Variants in ABHD12 observed in about 807,000 individuals in gnomAD.
ABHD12 encodes lysophosphatidylserine lipase ABHD12.
ABHD12 carries 43 observed loss-of-function variants against 58.3 expected under a neutral mutation model. That is an observed-to-expected ratio of 0.74 (90% CI 0.58 to 0.95). The LOEUF (loss-of-function observed/expected upper bound fraction) is 0.95. ABHD12 is among the 40% of genes least tolerant of loss of function. ABHD12 has a pLI of 0.00. For synonymous variants in ABHD12, 219 were observed against 211.2 expected, an observed-to-expected ratio of 1.04 and a Z score of -0.32; for missense variants, 539 against 537.2, an observed-to-expected ratio of 1.00 and a Z score of -0.03.
At chr20:25,342,103 C>CAAAAAAAAAAAAAAAAAAAAAAAAAAAA (rs11476197) in intron 1 of ABHD12, among the ~76,000 whole-genome samples, 1 of 69,804 alleles carries the variant, frequency 1.4e-5, no homozygotes, top group Non-Finnish European at 2.9e-5. Context: ...AACTCTGTCT[C>CAAAAAAAAAAAAAAAAAAAAAAAAAAAA]AAAAAAAAAA....
chr20:25,359,291 G>A (rs1171891169), intron 1 of ABHD12, among the ~76,000 whole-genome samples: 2 of 150,344 alleles, frequency 1.3e-5, no homozygotes, highest in Admixed American at 6.6e-5. Flanking sequence ...GGGCGTGATG[G>A]CGGGCGCCTG....
intron 1 of ABHD12, chr20:25,368,340 G>T: frequency 6.5e-7 from 1 of 1,545,530 alleles, no homozygotes. Context: ...GAACCACAGC[G>T]CTCCATGGCC....
At position 25,308,778 on chromosome 20, in the gene ABHD12, C is replaced by CT. The variant is rs139283672; in HGVS notation, c.750-285dup. Among the ~76,000 whole-genome samples the CT allele has an allele frequency of 0.011, 1,700 of 152,342 alleles. 32 individuals are homozygous for CT. The highest frequency in any genetic ancestry group is 0.036 in the African/African-American group (1,506 of 41,580). On this transcript the variant is annotated intron_variant, in intron 7 of 12. Transcript: ENST00000339157. Reference sequence around the variant, plus strand: ...CGTACACTCCCATTGGCCGGGCCGCCTGTCGGCTGGGGGTGGCCAGCGTCT... The same window carrying CT: ...CGTACACTCCCATTGGCCGGGCCGCCTTGTCGGCTGGGGGTGGCCAGCGTCT...
intron 11 of ABHD12, among the ~76,000 whole-genome samples, chr20:25,302,968 T>TA (rs2088664968): frequency 6.6e-6 from 1 of 152,172 alleles, no homozygotes; most frequent in African/African-American, 2.4e-5. Flanking sequence ...TGCCTTCTCT[T>TA]ACCCTACTCT....
rs1467614481 is a variant in ABHD12, at chr20:25,300,341, G to C, written c.*504C>G. 3.8e-6 allele frequency: 4 copies of C among 1,053,690 alleles called. No homozygotes were observed. Among genetic ancestry groups the C allele is most frequent in the Non-Finnish European group, 4.6e-6 (4 of 870,706 alleles). The allele number at this position is 1,053,690 out of a possible 1,614,324, so 65.3% of individuals were successfully genotyped here. ...CTGTGGGTGAGTGGGCCAGCCCAGGGGAGGTGGGGCAGCTGAGAAAGGCAA... is the reference window on the plus strand; with the variant it reads ...CTGTGGGTGAGTGGGCCAGCCCAGGCGAGGTGGGGCAGCTGAGAAAGGCAA... On this transcript the variant is annotated 3_prime_UTR_variant, in exon 13 of 13. Transcript: ENST00000339157.
chr20:25,376,054 G>A (rs1481155192), intron 1 of ABHD12, among the ~76,000 whole-genome samples: 12 of 152,082 alleles, frequency 7.9e-5, no homozygotes, highest in Admixed American at 6.6e-4. Flanking sequence ...GCTGGGAGGC[G>A]GAGATTGTAG....
intron 1 of ABHD12, among the ~76,000 whole-genome samples, chr20:25,354,400 C>T (rs1398584130): frequency 6.6e-6 from 1 of 152,166 alleles, no homozygotes; most frequent in African/African-American, 2.4e-5. Flanking sequence ...CCCCACTGAC[C>T]CCAGCTCTGG....
At chr20:25,312,287 T>TC (rs1354801976) in intron 6 of ABHD12, among the ~76,000 whole-genome samples, 1 of 152,148 alleles carries the variant, frequency 6.6e-6, no homozygotes. Context: ...TGCCTGATTC[T>TC]CCTGCCTCAG....
At chr20:25,355,938 T>C (rs2089662346) in intron 1 of ABHD12, among the ~76,000 whole-genome samples, 1 of 152,238 alleles carries the variant, frequency 6.6e-6, no homozygotes, top group Admixed American at 6.5e-5. Context: ...GGAGGCTGAC[T>C]TCCTTTTGCA....
At chr20:25,339,668 C>A (rs150249616) in intron 1 of ABHD12, 13 of 1,387,094 alleles carry the variant, frequency 9.4e-6, no homozygotes, top group African/African-American at 7.3e-5. Context: ...CCATGCCCCC[C>A]ACCTGACATC....
At chr20:25,376,802 G>C (rs988389651) in intron 1 of ABHD12, among the ~76,000 whole-genome samples, 10 of 152,092 alleles carry the variant, frequency 6.6e-5, no homozygotes, top group Non-Finnish European at 1.5e-4. Flanking sequence ...AGACATACTT[G>C]CTAAATGGAT....
intron 8 of ABHD12, 143 bp downstream of exon 8, chr20:25,308,314 G>C (rs951514964): frequency 2.9e-6 from 3 of 1,041,212 alleles, no homozygotes; most frequent in Non-Finnish European, 4.3e-6. Context: ...TGTATCATGG[G>C]AAGGGTGGCT....
chr20:25,317,210 AG>A, intron 4 of ABHD12, 132 bp from the exon 5 acceptor site: 2 of 699,834 alleles, frequency 2.9e-6, no homozygotes, highest in Non-Finnish European at 5.3e-6. Context: ...GGTCCCCCTA[AG>A]TAGCCCCACA....
chr20:25,382,538 G>A (rs2090034316), intron 1 of ABHD12, among the ~76,000 whole-genome samples: 1 of 152,164 alleles, frequency 6.6e-6, no homozygotes, highest in South Asian at 2.1e-4. Context: ...GAAGAGGAGA[G>A]AAAGGAGGGG....
rs144006512 is a variant in ABHD12 at position 25,386,785 on chromosome 20, G to A, written c.191+3728C>T. ...AATCCCAGCTACCCGGGAGGCTGAG[G>A]CCAGAGAATTGCTTGAACCTGGGAG... On this transcript the variant is annotated intron_variant, in intron 1 of 12. Coordinates refer to ENST00000339157, the MANE Select transcript of ABHD12 (RefSeq NM_001042472.3). Among the ~76,000 whole-genome samples the A allele has an allele frequency of 1.9e-4, 29 of 152,082 alleles. No individual in the cohort carries two copies. The East Asian group carries it at 5.7e-3, about 30-fold the overall frequency.
Position 25,309,426 on chromosome 20 carries a change from C to T in ABHD12, c.749+20G>A. On this transcript the variant is annotated intron_variant, in intron 7 of 12. Coordinates refer to ENST00000339157, the MANE Select transcript of ABHD12 (RefSeq NM_001042472.3). ...AATACTGACTCCCACTAAAGGCTGCCTCCTGCTGGGGTCCCTTACCCAGTG... is the reference window on the plus strand; with the variant it reads ...AATACTGACTCCCACTAAAGGCTGCTTCCTGCTGGGGTCCCTTACCCAGTG... 1 of 1,613,956 alleles carries T rather than the reference C, an allele frequency of 6.2e-7. No individual in the cohort carries two copies. Among genetic ancestry groups the T allele is most frequent in the South Asian group, 1.1e-5 (1 of 91,076 alleles).
In ABHD12 at chr20:25,303,330, T is replaced by C. The variant is rs557987990; in HGVS notation, c.1029+220A>G. 10 of 1,442,340 alleles carry C rather than the reference T, an allele frequency of 6.9e-6. No homozygotes were observed. The African/African-American group carries it at 7.0e-5, about 10-fold the overall frequency. 89.3% of individuals were successfully genotyped at this position (1,442,340 alleles called of 1,614,324 possible). A position where few individuals can be genotyped will look rare whatever the true frequency, so the allele number is the denominator to read the frequency against. ...CTTGGAGACAGCATCAGTGGGCCCCTGCCCCAACCTTTACACCAGACCTCC... is the reference window on the plus strand; with the variant it reads ...CTTGGAGACAGCATCAGTGGGCCCCCGCCCCAACCTTTACACCAGACCTCC... On this transcript the variant is annotated intron_variant, in intron 11 of 12. Coordinates refer to ENST00000339157, the MANE Select transcript of ABHD12 (RefSeq NM_001042472.3).
chr20:25,305,367 C>CT (rs11087512), intron 10 of ABHD12, among the ~76,000 whole-genome samples: 57,812 of 143,506 alleles, frequency 0.4, 12,570 homozygotes, highest in East Asian at 0.91. Context: ...TACTTTCCCT[C>CT]TTTTTTTTTT....
At chr20:25,385,353 A>AAAG in intron 1 of ABHD12, among the ~76,000 whole-genome samples, 1 of 151,480 alleles carries the variant, frequency 6.6e-6, no homozygotes, top group East Asian at 1.9e-4. Flanking sequence ...AAAAAAAAAA[A>AAAG]AAGAGGAAAA....
Sources: gnomAD v4.1 joint callset for allele counts (sites outside exome capture counted in the v4.1 genomes callset) on GRCh38, gnomAD v4.1.1 for gene constraint, MANE v1.5 for transcripts, NCBI Gene and HGNC (gene_info 2026-07-23, HGNC 2026-07-21) for gene names.